The following MZT2A variants were observed in gnomAD, a reference collection of about 807,000 sequenced individuals.
MZT2A encodes the protein mitotic-spindle organizing protein 2A.
MZT2A carries 8 observed loss-of-function variants against 12.4 expected under a neutral mutation model. That is an observed-to-expected ratio of 0.64 (90% confidence interval 0.38 to 1.16). The LOEUF (loss-of-function observed/expected upper bound fraction) is 1.16. Ranked by LOEUF, MZT2A falls within the 50% of genes most tolerant of loss-of-function variation. MZT2A has a pLI of 0.01. For missense variants in MZT2A, 181 were observed against 223.6 expected (o/e 0.81, Z 1.22); for synonymous variants, 88 against 107.5 (o/e 0.82, Z 1.12).
chr2:131,490,442 C>T, intron 2 of MZT2A: 1 of 1,315,318 alleles, frequency 7.6e-7, no homozygotes, highest in Non-Finnish European at 9.8e-7. Context: ...TGGAGAGGGG[C>T]TCTTTACACT....
chr2:131,493,169 C>T, upstream of MZT2A: 2 of 1,428,274 alleles, frequency 1.4e-6, no homozygotes, highest in East Asian at 2.6e-5. Flanking sequence ...GCGCGTGAGA[C>T]GGTCCGACGC....
At chr2:131,480,082 C>T (rs764576040), downstream of MZT2A, 1 of 1,598,792 alleles carries the variant, frequency 6.3e-7, no homozygotes, top group Non-Finnish European at 8.5e-7. Flanking sequence ...GATCTGTGCA[C>T]AGGACTGCAG....
chr2:131,491,608 A>C, intron 2 of MZT2A: 1 of 580,860 alleles, frequency 1.7e-6, no homozygotes. Context: ...CTGAGTGAAG[A>C]GGTGGGGAGG....
At chr2:131,493,685 CAAA>C (rs34522606), upstream of MZT2A, among the ~76,000 whole-genome samples, 1 of 151,448 alleles carries the variant, frequency 6.6e-6, no homozygotes, top group East Asian at 2.0e-4. Flanking sequence ...CAAAACGAAA[CAAA>C]AAAAACAAAC....
chr2:131,476,211 C>A, intron 2 of MZT2A: 3 of 1,613,902 alleles, frequency 1.9e-6, no homozygotes, highest in Non-Finnish European at 2.5e-6. Context: ...TGGTAAGGCC[C>A]GGGTCACTCC....
At chr2:131,479,422 T>C (rs148497877), downstream of MZT2A, 6 of 1,611,140 alleles carry the variant, frequency 3.7e-6, no homozygotes, top group Non-Finnish European at 5.1e-6. Context: ...GGCAAGGAGA[T>C]TGTTGACCTA....
At chr2:131,480,653 G>T (rs1394540398), downstream of MZT2A, 1 of 1,613,818 alleles carries the variant, frequency 6.2e-7, no homozygotes, top group Non-Finnish European at 8.5e-7. Flanking sequence ...TGTTGTACAG[G>T]GGGGACGTGG....
chr2:131,479,775 G>A (rs1230696823), downstream of MZT2A, among the ~76,000 whole-genome samples: 1 of 152,108 alleles, frequency 6.6e-6, no homozygotes, highest in Non-Finnish European at 1.5e-5. Context: ...GGAAGGCGGA[G>A]GTTGCAATGA....
chr2:131,492,664 C>G, upstream of MZT2A: 9 of 1,253,320 alleles, frequency 7.2e-6, no homozygotes, highest in Non-Finnish European at 9.1e-6. Flanking sequence ...GTCGTGCTCG[C>G]TTAGGTGGCA....
intron 2 of MZT2A, chr2:131,491,610 G>GA (rs1679309466): frequency 1.7e-6 from 1 of 589,426 alleles, no homozygotes; most frequent in Admixed American, 3.1e-5. Flanking sequence ...GAGTGAAGAG[G>GA]TGGGGAGGAG....
upstream of MZT2A, chr2:131,492,508 G>C (rs571207770): frequency 1.5e-5 from 17 of 1,113,110 alleles, no homozygotes; most frequent in South Asian, 4.3e-5. Context: ...GCGCGGGGAC[G>C]GGGCCGCCTC....
At chr2:131,472,455 G>A (rs1250661722) in intron 2 of MZT2A, among the ~76,000 whole-genome samples, 2 of 152,172 alleles carry the variant, frequency 1.3e-5, no homozygotes, top group Non-Finnish European at 2.9e-5. Flanking sequence ...TAAATAGTTT[G>A]TTGCTAATTT....
upstream of MZT2A, among the ~76,000 whole-genome samples, chr2:131,493,467 G>A (rs566916654): frequency 3.1e-4 from 47 of 152,286 alleles, no homozygotes; most frequent in African/African-American, 1.1e-3. Context: ...CAGGCGGTGT[G>A]GGAGGAAGAG....
chr2:131,491,374 G>A (rs1679294680), intron 2 of MZT2A: 1 of 272,746 alleles, frequency 3.7e-6, no homozygotes, highest in Non-Finnish European at 7.1e-6. Flanking sequence ...ACGTCTGCCT[G>A]CCCTGCTCCC....
chr2:131,479,521 A>G, downstream of MZT2A: 15 of 1,593,940 alleles, frequency 9.4e-6, no homozygotes, highest in Non-Finnish European at 1.1e-5. Flanking sequence ...GGAATGTGAA[A>G]GGGAAGTCAT....
intron 2 of MZT2A, among the ~76,000 whole-genome samples, chr2:131,477,715 T>C (rs2695521): frequency 0.16 from 23,877 of 148,824 alleles, 3,556 homozygotes; most frequent in African/African-American, 0.4. Context: ...AACTGGGGGG[T>C]AGAGAGAGGA....
At chr2:131,491,521 G>T (rs1308790673) in intron 2 of MZT2A, 5 of 420,648 alleles carry the variant, frequency 1.2e-5, no homozygotes, top group African/African-American at 2.1e-5. Flanking sequence ...CCCGCCGTGG[G>T]GTCCCAAAGA....
intron 3 of MZT2A, among the ~76,000 whole-genome samples, chr2:131,470,598 G>A (rs1264662022): frequency 1.3e-5 from 2 of 152,256 alleles, no homozygotes; most frequent in African/African-American, 4.8e-5. Context: ...GCAACTGCAT[G>A]GAGTAACTTA....
At chr2:131,484,545 T>A (rs1678978085) in intron 2 of MZT2A, among the ~76,000 whole-genome samples, 1 of 152,138 alleles carries the variant, frequency 6.6e-6, no homozygotes, top group East Asian at 1.9e-4. Flanking sequence ...GGTCCACACC[T>A]AGCCTGGTCA....
Sources: gnomAD v4.1 joint callset for allele counts (sites outside exome capture counted in the v4.1 genomes callset) on GRCh38, gnomAD v4.1.1 for gene constraint, MANE v1.5 for transcripts, NCBI Gene and HGNC (gene_info 2026-07-23, HGNC 2026-07-21) for gene names.